Variants in SAMSN1 observed in about 807,000 individuals in gnomAD.
SAMSN1 encodes the protein SAM domain-containing protein SAMSN-1.
In SAMSN1, 31 loss-of-function variants were observed where a neutral mutation model predicts 42.0. That is an observed-to-expected ratio of 0.74 (90% CI 0.55 to 1.00). SAMSN1 has a LOEUF of 1.00. Among genes scored for constraint, SAMSN1 ranks in the 50% least tolerant of loss-of-function variants. The pLI, the probability that SAMSN1 is intolerant of heterozygous loss-of-function variation, is 0.00. For missense variants in SAMSN1, 464 were observed against 439.4 expected (o/e 1.06, Z -0.50); for synonymous variants, 178 against 151.9 (o/e 1.17, Z -1.26).
chr21:14,485,237 C>T lies in SAMSN1; in HGVS notation c.*675G>A, dbSNP rs964808451. 6.6e-6 allele frequency: 1 copy of T among 152,042 alleles called. No homozygotes were observed. Among genetic ancestry groups the T allele is most frequent in the Admixed American group, 6.6e-5 (1 of 15,262 alleles). 9.4% of individuals were successfully genotyped at this position (152,042 alleles called of 1,614,324 possible). On this transcript the variant is annotated 3_prime_UTR_variant, in exon 8 of 8. Coordinates refer to ENST00000400566, the MANE Select transcript of SAMSN1 (RefSeq NM_022136.5). ...ACATTACTCTGGAAAATGCAATATG[C>T]AAATAGTTCTTTTTATTATTAACAT...
In SAMSN1 at chr21:14,626,368, G is replaced by A. The variant is rs1400724685; in HGVS notation, c.157-10352C>T. ...ACCTATAGAGTGGGAGAAAATTTTTGCAATCTACTCATCTGACAAAGGGCT... is the reference window on the plus strand; with the variant it reads ...ACCTATAGAGTGGGAGAAAATTTTTACAATCTACTCATCTGACAAAGGGCT... On this transcript the variant is annotated intron_variant, in intron 2 of 15. Coordinates refer to the SAMSN1 transcript ENST00000647101. Among the ~76,000 whole-genome samples the A allele has an allele frequency of 5.9e-5, 9 of 152,248 alleles. 1 individual carries two copies. In the South Asian group the frequency reaches 1.0e-3, roughly 18 times the overall value.
intron 1 of SAMSN1, among the ~76,000 whole-genome samples, chr21:14,645,031 C>T (rs1304768051): frequency 1.3e-5 from 2 of 152,176 alleles, no homozygotes; most frequent in Non-Finnish European, 2.9e-5. Flanking sequence ...ATGTTTTAGA[C>T]TCTAATCCCT....
intron 1 of SAMSN1, among the ~76,000 whole-genome samples, chr21:14,649,103 A>G (rs1983776802): frequency 6.6e-6 from 1 of 152,118 alleles, no homozygotes; most frequent in Non-Finnish European, 1.5e-5. Flanking sequence ...AAAAAGGATG[A>G]GTTCATGTCC....
intron 6 of SAMSN1, among the ~76,000 whole-genome samples, chr21:14,599,628 A>G (rs1982376258): frequency 1.3e-5 from 2 of 152,036 alleles, no homozygotes; most frequent in Admixed American, 1.3e-4. Flanking sequence ...TTCTCACTCT[A>G]TTAGTTCCTG....
At chr21:14,612,789 T>G in intron 4 of SAMSN1, 2 of 671,362 alleles carry the variant, frequency 3.0e-6, no homozygotes, top group Non-Finnish European at 5.5e-6. Context: ...TTAATCAGTT[T>G]TGTTGCTTTG....
chr21:14,644,173 C>T (rs1226844208), intron 1 of SAMSN1, among the ~76,000 whole-genome samples: 1 of 152,136 alleles, frequency 6.6e-6, no homozygotes, highest in Non-Finnish European at 1.5e-5. Context: ...ATGTAACACA[C>T]TGAGACACCG....
intron 2 of SAMSN1, among the ~76,000 whole-genome samples, chr21:14,574,440 C>G (rs1475440174): frequency 7.9e-5 from 12 of 152,078 alleles, no homozygotes; most frequent in Non-Finnish European, 1.5e-5. Flanking sequence ...AGAGTGAAAA[C>G]ACATGAAGAG....
chr21:14,519,124 GT>G (rs1398955756), intron 2 of SAMSN1, among the ~76,000 whole-genome samples: 1 of 151,998 alleles, frequency 6.6e-6, no homozygotes, highest in African/African-American at 2.4e-5. Flanking sequence ...TTATGGTTTT[GT>G]TCTTGTCTTT....
At chr21:14,607,466 T>C (rs1242459587) in intron 5 of SAMSN1, among the ~76,000 whole-genome samples, 2 of 152,234 alleles carry the variant, frequency 1.3e-5, no homozygotes, top group African/African-American at 4.8e-5. Context: ...CTTCCTAGCA[T>C]GGCATTAATT....
chr21:14,572,921 A>G (rs1294608808), intron 2 of SAMSN1, among the ~76,000 whole-genome samples: 2 of 152,210 alleles, frequency 1.3e-5, no homozygotes, highest in African/African-American at 4.8e-5. Flanking sequence ...ACCTGCATAA[A>G]TCGGTTATCC....
At chr21:14,492,984 C>A (rs942737850) in intron 7 of SAMSN1, among the ~76,000 whole-genome samples, 10 of 152,104 alleles carry the variant, frequency 6.6e-5, no homozygotes, top group Non-Finnish European at 1.3e-4. Flanking sequence ...GGGGCTAGGC[C>A]CAGGCTATGC....
chr21:14,518,508 AG>A (rs1376178880), intron 2 of SAMSN1, among the ~76,000 whole-genome samples: 2 of 152,198 alleles, frequency 1.3e-5, no homozygotes, highest in Non-Finnish European at 2.9e-5. Flanking sequence ...TTTGCAAGAA[AG>A]GAAACTTGAA....
chr21:14,579,373 G>GA (rs1981621838), intron 2 of SAMSN1, among the ~76,000 whole-genome samples: 1 of 151,906 alleles, frequency 6.6e-6, no homozygotes, highest in Non-Finnish European at 1.5e-5. Context: ...AAATAAAAAA[G>GA]AAAAATATGA....
At chr21:14,610,495 T>C (rs1166287112) in intron 4 of SAMSN1, among the ~76,000 whole-genome samples, 2 of 152,216 alleles carry the variant, frequency 1.3e-5, no homozygotes, top group Non-Finnish European at 2.9e-5. Context: ...CCTTGTGATC[T>C]TTTGTCGCCC....
intron 1 of SAMSN1, among the ~76,000 whole-genome samples, chr21:14,533,079 AC>A (rs1217357833): frequency 2.0e-5 from 3 of 151,838 alleles, no homozygotes; most frequent in Non-Finnish European, 4.4e-5. Flanking sequence ...TGCTCAGCTA[AC>A]TTTTATTTTT....
intron 2 of SAMSN1, among the ~76,000 whole-genome samples, chr21:14,633,198 C>CTCT (rs1983377033): frequency 1.3e-5 from 2 of 150,982 alleles, no homozygotes; most frequent in African/African-American, 2.4e-5. Flanking sequence ...TCTCTCTCTA[C>CTCT]ACACACACAC....
chr21:14,623,441 A>C (rs1983070628), intron 2 of SAMSN1, among the ~76,000 whole-genome samples: 3 of 152,148 alleles, frequency 2.0e-5, no homozygotes, highest in Non-Finnish European at 2.9e-5. Flanking sequence ...ATCTACCAAG[A>C]AAATGGAAAA....
At chr21:14,641,106 T>A (rs459344) in intron 2 of SAMSN1, among the ~76,000 whole-genome samples, 116,668 of 151,940 alleles carry the variant, frequency 0.77, 45,300 homozygotes, top group Middle Eastern at 0.89. Flanking sequence ...ACAATTTGCA[T>A]TGTCAATTGA....
intron 7 of SAMSN1, among the ~76,000 whole-genome samples, chr21:14,487,129 C>T (rs406209): frequency 0.92 from 139,651 of 152,126 alleles, 64,288 homozygotes; most frequent in East Asian, 1. Flanking sequence ...CTGTAGGCAT[C>T]TGAATAGCTC....
Sources: allele counts gnomAD v4.1 joint callset (sites outside exome capture counted in the v4.1 genomes callset), GRCh38; gene constraint gnomAD v4.1.1; transcripts MANE v1.5; gene names NCBI Gene and HGNC (gene_info 2026-07-23, HGNC 2026-07-21).